NAPSA: variants seen among roughly 807,000 people sequenced by gnomAD.
The protein encoded by NAPSA is napsin A aspartic peptidase, also known as napsin-A.
In NAPSA, 37 loss-of-function variants were observed where a neutral mutation model predicts 36.7. The observed-to-expected ratio is 1.01, with a 90% CI of 0.78 to 1.33. The LOEUF is 1.33. NAPSA is among the 40% of genes most tolerant of loss of function. The pLI, the probability that NAPSA is intolerant of heterozygous loss-of-function variation, is 0.00. For synonymous variants in NAPSA, 222 were observed against 234.5 expected, an observed-to-expected ratio of 0.95 and a Z score of 0.49; for missense variants, 532 against 543.8, an observed-to-expected ratio of 0.98 and a Z score of 0.21.
intron 5 of NAPSA, 128 bp downstream of exon 5, chr19:50,360,813 C>T (rs2037461384): frequency 1.1e-6 from 1 of 910,916 alleles, no homozygotes. Context: ...GGCTGACTTC[C>T]TGAATGGACA....
At chr19:50,361,443 T>TC (rs1267418276) in intron 4 of NAPSA, 9 of 580,560 alleles carry the variant, frequency 1.6e-5, no homozygotes, top group African/African-American at 4.1e-5. Context: ...TGGAAGCTCC[T>TC]CCCCCCTGCT....
chr19:50,359,200 A>T (rs891590241), intron 7 of NAPSA, 91 bp from the exon 8 acceptor site: 1 of 1,171,038 alleles, frequency 8.5e-7, no homozygotes, highest in Non-Finnish European at 1.2e-6. Flanking sequence ...TAATTTCCCT[A>T]TTGAGCACCT....
upstream of NAPSA, among the ~76,000 whole-genome samples, chr19:50,367,668 G>A (rs761450444): frequency 1.1e-4 from 17 of 152,014 alleles, no homozygotes; most frequent in Non-Finnish European, 2.4e-4. Flanking sequence ...CTGGGATTGC[G>A]CTGGGTCCTG....
At position 50,364,353 on chromosome 19, in the gene NAPSA, CG is replaced by C. The variant is rs1568587667; in HGVS notation, c.83+1185del. On this transcript the variant is annotated intron_variant, in intron 1 of 8. Transcript: ENST00000253719. ...AAAAAAGGCCAGGCGCGGTGGCTTA[CG>C]CCTGTAATCCCAGCACTTTGCGAGG... Among the ~76,000 whole-genome samples the C allele has an allele frequency of 4.8e-5, 7 of 146,108 alleles. No individual in the cohort carries two copies. In the East Asian group the frequency reaches 8.2e-4, roughly 17 times the overall value.
In NAPSA at chr19:50,365,568, A is replaced by C. The variant is rs1264878946; in HGVS notation, c.54T>G (p.Asn18Lys). 1 of 1,613,662 alleles carries C rather than the reference A, an allele frequency of 6.2e-7. No individual in the cohort carries two copies. Among genetic ancestry groups the C allele is most frequent in the Non-Finnish European group, 8.5e-7 (1 of 1,179,908 alleles). ...QPLLLLLPLLNVEPSGATLIR... is the reference protein window; with the variant it reads ...QPLLLLLPLLKVEPSGATLIR... ...TCAGTGTGGCCCCGGAAGGCTCCAC[A>C]TTCAGCAGAGGCAGCAGCAGCAGCA... The change falls in exon 1 of 9, where the codon AAT becomes AAG. Residue 18 changes from asparagine (N) to lysine (K), a missense_variant. Coordinates refer to ENST00000253719, the MANE Select transcript of NAPSA (RefSeq NM_004851.3).
Position 50,360,992 on chromosome 19 carries a change from A to G in NAPSA, c.617T>C (p.Leu206Pro). Residue 206 changes from leucine (L) to proline (P), a missense_variant, in exon 5 of 9, where the codon CTG (leucine) becomes CCG (proline). By Grantham distance (98) the Leu-to-Pro change is moderately conservative. This residue lies in a region of NAPSA where 385 missense variants were observed against 371.5 expected (regional missense o/e 1.04). Transcript: ENST00000253719. ...VEGVRPPMDV[L>P]VEQGLLDKPV... ...CTTATCCAATAGCCCCTGCTCCACC[A>G]GTACATCCATCGGGGGCCGAACTCC... 1 of 1,614,196 alleles carries G rather than the reference A, an allele frequency of 6.2e-7. No individual in the cohort carries two copies. The highest frequency in any genetic ancestry group is 1.1e-5 in the South Asian group (1 of 91,080).
Position 50,359,666 on chromosome 19 carries a change from G to C in NAPSA, c.792-19C>G. On this transcript the variant is annotated intron_variant, in intron 6 of 8. Transcript: ENST00000253719. ...CTTCACACTGAGGGGGAAGGAGGCA[G>C]TCATCAGAGGCAGGGTCCTAGGAGT... is the stretch of plus-strand genomic sequence containing the variant. 1 of 1,614,228 alleles carries C rather than the reference G, an allele frequency of 6.2e-7. No individual in the cohort carries two copies. Among genetic ancestry groups the C allele is most frequent in the Non-Finnish European group, 8.5e-7 (1 of 1,180,044 alleles).
chr19:50,359,028 G>C lies in NAPSA; in HGVS notation c.1018C>G (p.His340Asp). 6.2e-7 allele frequency: 1 copy of C among 1,613,864 alleles called. No individual in the cohort carries two copies. Among genetic ancestry groups the C allele is most frequent in the South Asian group, 1.1e-5 (1 of 91,076 alleles). ...CCACCTACCTGGATGACGTAATCATGGGCCGTGAGGTTAAACCAGACCCCC... is the reference window on the plus strand; with the variant it reads ...CCACCTACCTGGATGACGTAATCATCGGCCGTGAGGTTAAACCAGACCCCC... ...LGGVWFNLTAHDYVIQTTRNG... is the reference protein window; with the variant it reads ...LGGVWFNLTADDYVIQTTRNG... Residue 340 changes from histidine (H) to aspartate (D), a missense_variant, in exon 8 of 9, where the codon CAT becomes GAT. Transcript: ENST00000253719.
At chr19:50,364,995 T>G (rs2037526626) in intron 1 of NAPSA, among the ~76,000 whole-genome samples, 1 of 107,450 alleles carries the variant, frequency 9.3e-6, no homozygotes, top group South Asian at 3.0e-4. Context: ...CTGTCTCAAA[T>G]AATAATAATA....
chr19:50,358,823 G>T, intron 8 of NAPSA, 43 bp from the exon 9 acceptor site: 1 of 1,545,496 alleles, frequency 6.5e-7, no homozygotes. Context: ...CGGCCACAAG[G>T]ACGGCCATTT....
chr19:50,361,038 A>G lies in NAPSA; in HGVS notation c.571T>C (p.Phe191Leu), dbSNP rs756017646. The change falls in exon 5 of 9, where the codon TTT (phenylalanine) becomes CTT (leucine). Residue 191 changes from phenylalanine to leucine, a missense_variant. By Grantham distance (22) the Phe-to-Leu change is conservative (BLOSUM62 0). Transcript: ENST00000253719. ...ACTCCTTCCACAGACAGAATGGGAA[A>G]ACCGAGGCCCAATATCCCATCAAAA... Reference protein sequence around the residue: ...AHFDGILGLGFPILSVEGVRP... With the variant: ...AHFDGILGLGLPILSVEGVRP... 2 of 1,614,174 alleles carry G rather than the reference A, an allele frequency of 1.2e-6. No individual in the cohort carries two copies. Among genetic ancestry groups the G allele is most frequent in the South Asian group, 2.2e-5 (2 of 91,078 alleles).
chr19:50,360,927 A>C lies in NAPSA; in HGVS notation c.668+14T>G, dbSNP rs761141688. 3 of 1,611,750 alleles carry C rather than the reference A, an allele frequency of 1.9e-6. No homozygotes were observed. The highest frequency in any genetic ancestry group is 2.5e-6 in the Non-Finnish European group (3 of 1,178,578). ...GGGGATAGGACTCATAGATAGGTGC[A>C]CACTTCCCAGTACCTGTTGAGGTAA... On this transcript the variant is annotated intron_variant, in intron 5 of 8. Coordinates refer to ENST00000253719, the MANE Select transcript of NAPSA (RefSeq NM_004851.3).
At chr19:50,368,630 G>C (rs1214649905), upstream of NAPSA, among the ~76,000 whole-genome samples, 1 of 152,048 alleles carries the variant, frequency 6.6e-6, no homozygotes, top group Non-Finnish European at 1.5e-5. Context: ...CAGAGCACTC[G>C]ATCTGGGCCC....
intron 7 of NAPSA, 61 bp from the exon 8 acceptor site, chr19:50,359,170 G>A (rs1436250979): frequency 7.0e-7 from 1 of 1,434,904 alleles, no homozygotes; most frequent in African/African-American, 1.4e-5. Flanking sequence ...TCCCTTCCGT[G>A]GCTCCCCAGT....
Position 50,362,264 on chromosome 19 carries a change from T to C in NAPSA, c.133A>G (p.Arg45Gly). 6.2e-7 allele frequency: 1 copy of C among 1,613,972 alleles called. No individual in the cohort carries two copies. Among genetic ancestry groups the C allele is most frequent in the South Asian group, 1.1e-5 (1 of 91,046 alleles). Residue 45 changes from arginine to glycine, a missense_variant, in exon 2 of 9, where the codon AGG becomes GGG. Around this residue, in one of 3 missense-constraint regions of NAPSA, gnomAD observed 102 missense variants for 93.6 expected, o/e 1.09. Transcript: ENST00000253719. ...QPGRRILNLL[R>G]GWREPAELPK... ...AGCTCTGCTGGTTCTCTCCATCCCCTCAGTAGGTTCAGGATCCTGCGTCCA... is the reference window on the plus strand; with the variant it reads ...AGCTCTGCTGGTTCTCTCCATCCCCCCAGTAGGTTCAGGATCCTGCGTCCA...
chr19:50,363,543 T>TTTTTA (rs555274568), intron 1 of NAPSA, among the ~76,000 whole-genome samples: 40 of 151,958 alleles, frequency 2.6e-4, no homozygotes, highest in Admixed American at 1.5e-3. Flanking sequence ...CACACCTGGC[T>TTTTTA]TTTTATTTTA....
At chr19:50,369,156 A>G (rs569137549), upstream of NAPSA, 10 of 152,218 alleles carry the variant, frequency 6.6e-5, no homozygotes, top group Admixed American at 6.5e-4. Context: ...CCGTCATTTT[A>G]TTTACTAACC....
At chr19:50,361,212 C>A in intron 4 of NAPSA, 72 bp from the exon 5 acceptor site, 2 of 1,332,480 alleles carry the variant, frequency 1.5e-6, no homozygotes, top group Non-Finnish European at 2.1e-6. Context: ...GTCTCCCAAA[C>A]CAAGGCATGA....
At chr19:50,359,478 C>G (rs747800672) in intron 7 of NAPSA, 25 bp downstream of exon 7, 7 of 1,613,704 alleles carry the variant, frequency 4.3e-6, no homozygotes, top group African/African-American at 1.3e-5. Flanking sequence ...CTTCCCAGCC[C>G]GTACCCACCA....
Sources: gnomAD v4.1 joint callset for allele counts (sites outside exome capture counted in the v4.1 genomes callset) on GRCh38, gnomAD v4.1.1 for gene constraint, gnomAD v4.1.1 regional missense constraint, MANE v1.5 for transcripts, NCBI Gene and HGNC (gene_info 2026-07-23, HGNC 2026-07-21) for gene names.